Variants in C1QTNF3 observed in about 807,000 individuals in gnomAD.
C1QTNF3 encodes the protein complement C1q tumor necrosis factor-related protein 3.
In C1QTNF3, 26 loss-of-function variants were observed where a neutral mutation model predicts 32.6. The observed-to-expected ratio is 0.80, with a 90% CI of 0.58 to 1.11. The LOEUF (loss-of-function observed/expected upper bound fraction) is 1.11, where lower values mean the gene tolerates loss of function less well. C1QTNF3 is among the 50% of genes least tolerant of loss of function. C1QTNF3 has a pLI of 0.00. For synonymous variants in C1QTNF3, 155 were observed against 146.0 expected, an observed-to-expected ratio of 1.06 and a Z score of -0.44; for missense variants, 362 against 398.2, an observed-to-expected ratio of 0.91 and a Z score of 0.77.
chr5:34,220,182 C>A, the C1QTNF3 span, among the ~76,000 whole-genome samples: 1 of 151,954 alleles, frequency 6.6e-6, no homozygotes, highest in Non-Finnish European at 1.5e-5. Flanking sequence ...CCTTACATTG[C>A]AAATCAATTT....
chr5:34,027,213 A>G (rs1449198955), intron 4 of C1QTNF3, among the ~76,000 whole-genome samples: 3 of 152,238 alleles, frequency 2.0e-5, no homozygotes, highest in Non-Finnish European at 4.4e-5. Context: ...AACTATCCAG[A>G]AACTTGAAAG....
chr5:34,091,872 T>C, the C1QTNF3 span, among the ~76,000 whole-genome samples: 5 of 152,022 alleles, frequency 3.3e-5, no homozygotes, highest in Admixed American at 2.6e-4. Flanking sequence ...ATTTGCATGA[T>C]GAGATCATCA....
chr5:34,127,181 A>G, the C1QTNF3 span, among the ~76,000 whole-genome samples: 4 of 151,902 alleles, frequency 2.6e-5, no homozygotes, highest in African/African-American at 9.7e-5. Flanking sequence ...TGGTACCGGG[A>G]AAGTGTGGCA....
At chr5:34,088,519 G>A in the C1QTNF3 span, among the ~76,000 whole-genome samples, 2 of 152,078 alleles carry the variant, frequency 1.3e-5, no homozygotes, top group South Asian at 4.2e-4. Flanking sequence ...AATTGTGTGA[G>A]TAAAATACTT....
At chr5:34,167,310 C>CAAGCT in the C1QTNF3 span, 3 of 152,148 alleles carry the variant, frequency 2.0e-5, no homozygotes, top group East Asian at 5.8e-4. Context: ...GTACAGCTTT[C>CAAGCT]TCTGCCTCAC....
the C1QTNF3 span, among the ~76,000 whole-genome samples, chr5:34,243,591 A>G: frequency 6.6e-6 from 1 of 152,258 alleles, no homozygotes; most frequent in Non-Finnish European, 1.5e-5. Context: ...TGGACTGGAT[A>G]AAGAAAATGT....
At chr5:34,237,316 T>C in the C1QTNF3 span, among the ~76,000 whole-genome samples, 1 of 152,212 alleles carries the variant, frequency 6.6e-6, no homozygotes, top group Non-Finnish European at 1.5e-5. Flanking sequence ...TATAAAGCTA[T>C]TAGTCTATTT....
chr5:34,074,188 C>G, the C1QTNF3 span, among the ~76,000 whole-genome samples: 3 of 148,292 alleles, frequency 2.0e-5, no homozygotes, highest in Non-Finnish European at 2.9e-5. Flanking sequence ...ATCAATAAAT[C>G]ATGTCTTTAA....
chr5:34,054,897 TATGTAG>T, the C1QTNF3 span, among the ~76,000 whole-genome samples: 1 of 152,142 alleles, frequency 6.6e-6, no homozygotes, highest in African/African-American at 2.4e-5. Context: ...CTCTCTGCCA[TATGTAG>T]ACCAAAAAGC....
At chr5:34,032,562 C>T (rs937006240) in intron 3 of C1QTNF3, among the ~76,000 whole-genome samples, 3 of 151,972 alleles carry the variant, frequency 2.0e-5, no homozygotes, top group East Asian at 1.9e-4. Context: ...TTTGGGAGGC[C>T]GAGGCAGGCA....
At chr5:34,177,255 G>A in the C1QTNF3 span, among the ~76,000 whole-genome samples, 1 of 152,076 alleles carries the variant, frequency 6.6e-6, no homozygotes, top group African/African-American at 2.4e-5. Flanking sequence ...GACCTCAATA[G>A]CCACATGTAG....
the C1QTNF3 span, among the ~76,000 whole-genome samples, chr5:34,156,542 AATTAT>A: frequency 4.6e-5 from 7 of 152,224 alleles, no homozygotes; most frequent in South Asian, 2.1e-4. Flanking sequence ...CCCAATATGT[AATTAT>A]ATTATGAGAA....
chr5:34,134,898 T>C, the C1QTNF3 span, among the ~76,000 whole-genome samples: 2 of 152,312 alleles, frequency 1.3e-5, no homozygotes, highest in South Asian at 2.1e-4. Flanking sequence ...CTTTTCCTAA[T>C]TGAATACCCT....
At chr5:34,020,835 G>A in intron 5 of C1QTNF3, 93 bp from the exon 6 acceptor site, 3 of 1,314,024 alleles carry the variant, frequency 2.3e-6, no homozygotes, top group Non-Finnish European at 3.2e-6. Flanking sequence ...CCTTCCCACA[G>A]GTATAATCCT....
chr5:34,124,478 C>T, the C1QTNF3 span: 2 of 715,628 alleles, frequency 2.8e-6, no homozygotes, highest in Admixed American at 2.0e-5. Context: ...CAGGACCAGG[C>T]CCGTCACGAT....
the C1QTNF3 span, chr5:34,167,237 C>T: frequency 1.3e-5 from 2 of 152,244 alleles, no homozygotes; most frequent in Admixed American, 6.5e-5. Flanking sequence ...AAATTCTCTC[C>T]GTTCTCCATA....
the C1QTNF3 span, among the ~76,000 whole-genome samples, chr5:34,055,207 T>TAA: frequency 6.6e-6 from 1 of 152,250 alleles, no homozygotes; most frequent in East Asian, 1.9e-4. Flanking sequence ...GACCATTTGT[T>TAA]CTTTGTCATT....
the C1QTNF3 span, among the ~76,000 whole-genome samples, chr5:34,220,254 A>G: frequency 1.3e-5 from 2 of 152,108 alleles, no homozygotes; most frequent in Non-Finnish European, 2.9e-5. Flanking sequence ...TTCTAAGGTA[A>G]TAAGTAGATT....
chr5:34,060,991 C>T, the C1QTNF3 span, among the ~76,000 whole-genome samples: 6 of 152,298 alleles, frequency 3.9e-5, no homozygotes, highest in Admixed American at 3.9e-4. Flanking sequence ...AAGGCAAGTC[C>T]CTTCTGCCTG....
Sources: allele counts gnomAD v4.1 joint callset (sites outside exome capture counted in the v4.1 genomes callset), GRCh38; gene constraint gnomAD v4.1.1; transcripts MANE v1.5; gene names NCBI Gene and HGNC (gene_info 2026-07-23, HGNC 2026-07-21).